EIF4E3: variants seen among roughly 807,000 people sequenced by gnomAD.
The protein encoded by EIF4E3 is eukaryotic translation initiation factor 4E family member 3.
Under a neutral mutation model 31.7 loss-of-function variants are expected in EIF4E3, and 26 were observed. That is an observed-to-expected ratio of 0.82 (90% CI 0.60 to 1.14). The LOEUF (loss-of-function observed/expected upper bound fraction) is 1.14. Among genes scored for constraint, EIF4E3 ranks in the 50% most tolerant of loss-of-function variants. The pLI, the probability that EIF4E3 is intolerant of heterozygous loss-of-function variation, is 0.00. For missense variants in EIF4E3, 304 were observed against 270.9 expected, an observed-to-expected ratio of 1.12 and a Z score of -0.86; for synonymous variants, 128 against 107.7, an observed-to-expected ratio of 1.19 and a Z score of -1.17.
intron 1 of EIF4E3, among the ~76,000 whole-genome samples, chr3:71,742,218 T>C (rs774825570): frequency 1.3e-5 from 2 of 151,912 alleles, no homozygotes; most frequent in Non-Finnish European, 2.9e-5. Flanking sequence ...AAAAATCTGG[T>C]TATTTGAGAC....
chr3:71,717,226 T>C (rs747938834), intron 1 of EIF4E3, among the ~76,000 whole-genome samples: 5 of 152,234 alleles, frequency 3.3e-5, no homozygotes. Context: ...TCATGAGACC[T>C]GCTAAATCCT....
chr3:71,690,289 A>C, intron 5 of EIF4E3, 124 bp from the exon 6 acceptor site: 1 of 1,097,164 alleles, frequency 9.1e-7, no homozygotes, highest in East Asian at 2.7e-5. Flanking sequence ...GTGGCACAAG[A>C]TAACTTGTAA....
rs895137716 is a variant in EIF4E3 at position 71,682,289 on chromosome 3, G to GCC, written c.*2391_*2392dup. On this transcript the variant is annotated 3_prime_UTR_variant, in exon 7 of 7. Coordinates refer to ENST00000425534, the MANE Select transcript of EIF4E3 (RefSeq NM_001134651.2). ...ATGGTTCTTTGCAGACTACAAGGCT[G>GCC]CCCCTGCAAGCACTTGGATGAAAAG... The GCC allele has an allele frequency of 6.6e-6, 1 of 152,202 alleles. No homozygotes were observed. Among genetic ancestry groups the GCC allele is most frequent in the African/African-American group, 2.4e-5 (1 of 41,454 alleles). The allele number at this position is 152,202 out of a possible 1,614,324, so 9.4% of individuals were successfully genotyped here. A position where few individuals can be genotyped will look rare whatever the true frequency, so the allele number is the denominator to read the frequency against.
chr3:71,722,243 T>C (rs569180806), intron 1 of EIF4E3, among the ~76,000 whole-genome samples: 20 of 152,316 alleles, frequency 1.3e-4, no homozygotes, highest in African/African-American at 4.8e-4. Context: ...TAGTTCAGTA[T>C]ATGTTGAGTC....
chr3:71,704,946 T>C (rs2049268959), intron 2 of EIF4E3, among the ~76,000 whole-genome samples: 1 of 152,274 alleles, frequency 6.6e-6, no homozygotes, highest in South Asian at 2.1e-4. Context: ...GCTATAGATG[T>C]TGATCCTATT....
At chr3:71,742,491 TA>T (rs973894263) in intron 1 of EIF4E3, among the ~76,000 whole-genome samples, 17 of 152,094 alleles carry the variant, frequency 1.1e-4, no homozygotes, top group African/African-American at 4.1e-4. Flanking sequence ...AATATATAGT[TA>T]AAAACCTTCC....
At chr3:71,686,760 G>T (rs1486676597) in intron 6 of EIF4E3, among the ~76,000 whole-genome samples, 1 of 152,016 alleles carries the variant, frequency 6.6e-6, no homozygotes, top group East Asian at 1.9e-4. Flanking sequence ...TAGGTGTGAG[G>T]GGCAGTCTGG....
intron 1 of EIF4E3, among the ~76,000 whole-genome samples, chr3:71,722,469 A>G (rs2049566779): frequency 6.6e-6 from 1 of 152,208 alleles, no homozygotes; most frequent in African/African-American, 2.4e-5. Context: ...ATCAAAAGGA[A>G]GCAGTTAGAG....
At chr3:71,685,116 A>G (rs1178620813) in intron 6 of EIF4E3, among the ~76,000 whole-genome samples, 1 of 152,156 alleles carries the variant, frequency 6.6e-6, no homozygotes, top group African/African-American at 2.4e-5. Flanking sequence ...AACCCAAGAC[A>G]GAGCCGCTTA....
At chr3:71,726,413 C>G (rs2049639956), upstream of EIF4E3, among the ~76,000 whole-genome samples, 1 of 151,464 alleles carries the variant, frequency 6.6e-6, no homozygotes, top group African/African-American at 2.5e-5. Context: ...CCCCAGGTCT[C>G]TGTCACTTTC....
Position 71,681,888 on chromosome 3 carries a change from G to A in EIF4E3, c.*2794C>T, listed in dbSNP as rs1217964927. On this transcript the variant is annotated 3_prime_UTR_variant, in exon 7 of 7. Transcript: ENST00000425534. Reference sequence around the variant, plus strand: ...TTAATTTAAAGTTTATTAGAGTTGTGGTTTCCTTTTCATGTTTTTGCTTCA... The same window carrying A: ...TTAATTTAAAGTTTATTAGAGTTGTAGTTTCCTTTTCATGTTTTTGCTTCA... 5 of 152,082 alleles carry A rather than the reference G, an allele frequency of 3.3e-5. No individual in the cohort carries two copies. Among genetic ancestry groups the A allele is most frequent in the Non-Finnish European group, 5.9e-5 (4 of 68,002 alleles). The allele number at this position is 152,082 out of a possible 1,614,324, so 9.4% of individuals were successfully genotyped here.
chr3:71,696,556 G>A (rs1286096255), intron 3 of EIF4E3, 36 bp from the exon 4 acceptor site: 1 of 1,610,990 alleles, frequency 6.2e-7, no homozygotes, highest in South Asian at 1.1e-5. Context: ...TTACACTCAG[G>A]ACTAAGTGAT....
the EIF4E3 span, among the ~76,000 whole-genome samples, chr3:71,667,462 T>C: frequency 1.3e-5 from 2 of 152,190 alleles, no homozygotes; most frequent in African/African-American, 2.4e-5. Context: ...AGTCAAATTA[T>C]CTCTGTTTGC....
downstream of EIF4E3, among the ~76,000 whole-genome samples, chr3:71,672,462 G>A (rs1214153800): frequency 1.3e-5 from 2 of 152,160 alleles, no homozygotes; most frequent in African/African-American, 4.8e-5. Flanking sequence ...AGCCCGGCTT[G>A]CTTTTAGTTC....
rs1478613755 is a variant in EIF4E3 at position 71,681,192 on chromosome 3, A to G, written c.*3490T>C. The G allele has an allele frequency of 6.6e-6, 1 of 152,240 alleles. No individual in the cohort carries two copies. Among genetic ancestry groups the G allele is most frequent in the Non-Finnish European group, 1.5e-5 (1 of 68,042 alleles). 9.4% of individuals were successfully genotyped at this position (152,240 alleles called of 1,614,324 possible). ...AAAACTAAATGTCTTATTGCCAAGT[A>G]TCATTTTTACATTTTCTCGTCAAAT... On this transcript the variant is annotated 3_prime_UTR_variant, in exon 7 of 7. Coordinates refer to ENST00000425534, the MANE Select transcript of EIF4E3 (RefSeq NM_001134651.2).
downstream of EIF4E3, among the ~76,000 whole-genome samples, chr3:71,674,309 G>A (rs566527048): frequency 2.6e-5 from 4 of 151,582 alleles, no homozygotes; most frequent in Non-Finnish European, 4.4e-5. Context: ...GTTTCACCAT[G>A]TTGGCCGGGC....
intron 1 of EIF4E3, among the ~76,000 whole-genome samples, chr3:71,741,877 C>A (rs1162346955): frequency 6.6e-6 from 1 of 152,048 alleles, no homozygotes; most frequent in Admixed American, 6.5e-5. Context: ...GGGAATCCCC[C>A]AAATACTTAT....
chr3:71,754,122 C>T (rs1220120815), upstream of EIF4E3: 1 of 1,432,064 alleles, frequency 7.0e-7, no homozygotes, highest in Non-Finnish European at 9.2e-7. This position sits in a 1 kb window ranked among gnomAD's most constrained non-coding sequence, Gnocchi z 5.8. Context: ...GCTGGCCACG[C>T]TCAGCCTGCT....
At chr3:71,692,646 A>T (rs2049079226) in intron 5 of EIF4E3, among the ~76,000 whole-genome samples, 1 of 150,544 alleles carries the variant, frequency 6.6e-6, no homozygotes, top group Admixed American at 6.6e-5. Context: ...CCCAGGCTGC[A>T]GTACAATAGC....
Sources: gnomAD v4.1 joint callset for allele counts (sites outside exome capture counted in the v4.1 genomes callset) on GRCh38, gnomAD v4.1.1 for gene constraint, Gnocchi (gnomAD v3.1) non-coding constraint, MANE v1.5 for transcripts, NCBI Gene and HGNC (gene_info 2026-07-23, HGNC 2026-07-21) for gene names.